The following ABCA8 variants were observed in gnomAD, a reference collection of about 807,000 sequenced individuals.
ABCA8 encodes ABC-type organic anion transporter ABCA8.
In ABCA8, 177 loss-of-function variants were observed where a neutral mutation model predicts 192.3. The ratio of observed to expected loss-of-function variants is 0.92; its 90% CI spans 0.81 to 1.04. ABCA8 has a LOEUF of 1.04. Among genes scored for constraint, ABCA8 ranks in the 50% least tolerant of loss-of-function variants. The pLI, the probability that ABCA8 is intolerant of heterozygous loss-of-function variation, is 0.00. For missense variants in ABCA8, 1,915 were observed against 1,904.8 expected (o/e 1.01, Z -0.10); for synonymous variants, 642 against 690.2 (o/e 0.93, Z 1.09).
chr17:68,928,388 AG>A (rs2067760750), intron 9 of ABCA8, among the ~76,000 whole-genome samples: 1 of 152,248 alleles, frequency 6.6e-6, no homozygotes, highest in Non-Finnish European at 1.5e-5. Flanking sequence ...CACAGTCAAA[AG>A]GTGTGGTGAT....
In ABCA8 at chr17:68,921,483, A is replaced by G; in HGVS notation, c.1511T>C (p.Phe504Ser). The G allele has an allele frequency of 6.2e-7, 1 of 1,601,934 alleles. No homozygotes were observed. Among genetic ancestry groups the G allele is most frequent in the South Asian group, 1.1e-5 (1 of 88,948 alleles). Residue 504 changes from phenylalanine to serine, a missense_variant, in exon 13 of 40, where the codon TTT becomes TCT. By Grantham distance (155) the Phe-to-Ser change is radical. Transcript: ENST00000586539. Reference protein sequence around the residue: ...DKIEALKDLVFDIYEGQITAI... With the variant: ...DKIEALKDLVSDIYEGQITAI... ...AGTGATTTGGCCTTCGTAAATGTCA[A>G]ATACCAGATCTAGGAAGAAAAAAAG... is the stretch of plus-strand genomic sequence containing the variant.
At chr17:68,954,003 G>A (rs535478148) in intron 1 of ABCA8, among the ~76,000 whole-genome samples, 3 of 151,660 alleles carry the variant, frequency 2.0e-5, no homozygotes, top group Non-Finnish European at 4.4e-5. Flanking sequence ...TGCCGCCAAT[G>A]CAAGCTCTGT....
intron 28 of ABCA8, among the ~76,000 whole-genome samples, 168 bp from the exon 29 acceptor site, chr17:68,884,050 C>G: frequency 6.6e-6 from 1 of 152,118 alleles, no homozygotes; most frequent in Non-Finnish European, 1.5e-5. Context: ...CATTTTCAAT[C>G]TTTTTTATAG....
At chr17:68,890,778 C>T (rs534255269) in intron 24 of ABCA8, among the ~76,000 whole-genome samples, 1 of 152,208 alleles carries the variant, frequency 6.6e-6, no homozygotes, top group African/African-American at 2.4e-5. Flanking sequence ...CTCGGTTTCC[C>T]AAAGTGCTGA....
At chr17:68,870,848 G>A (rs983906391) in intron 37 of ABCA8, among the ~76,000 whole-genome samples, 1 of 152,080 alleles carries the variant, frequency 6.6e-6, no homozygotes, top group African/African-American at 2.4e-5. Flanking sequence ...CAGTTCTTTT[G>A]GATACATACC....
intron 13 of ABCA8, among the ~76,000 whole-genome samples, chr17:68,920,417 T>C (rs910528317): frequency 9.6e-5 from 13 of 136,088 alleles, no homozygotes; most frequent in South Asian, 4.8e-4. Context: ...TTTTAAAAAA[T>C]AAAAAAATAA....
At chr17:68,876,758 G>C in intron 33 of ABCA8, 55 bp from the exon 34 acceptor site, 1 of 1,607,968 alleles carries the variant, frequency 6.2e-7, no homozygotes, top group Non-Finnish European at 8.5e-7. Context: ...ATAGATAAGA[G>C]GATAACCCAA....
At chr17:68,928,897 C>A (rs767269120) in intron 9 of ABCA8, 152 bp downstream of exon 9, 61 of 575,806 alleles carry the variant, frequency 1.1e-4, no homozygotes, top group Non-Finnish European at 1.5e-4. Flanking sequence ...AATTTCCAAG[C>A]TTTTAAAAGT....
intron 13 of ABCA8, among the ~76,000 whole-genome samples, chr17:68,920,733 C>A (rs1487519292): frequency 2.0e-5 from 3 of 152,096 alleles, no homozygotes; most frequent in African/African-American, 7.2e-5. Flanking sequence ...GAAATAGGAA[C>A]ACTTTTACAC....
intron 38 of ABCA8, among the ~76,000 whole-genome samples, chr17:68,868,774 C>A (rs1452789025): frequency 6.6e-6 from 1 of 152,114 alleles, no homozygotes; most frequent in Non-Finnish European, 1.5e-5. Context: ...ATCCAAAAAC[C>A]ATTGCAGCTT....
chr17:68,875,959 A>G (rs921719633), intron 35 of ABCA8, among the ~76,000 whole-genome samples: 2 of 152,210 alleles, frequency 1.3e-5, no homozygotes, highest in Non-Finnish European at 2.9e-5. Context: ...CACAACATTC[A>G]TTATAGGGTT....
At chr17:68,888,079 A>G (rs1420198622) in intron 24 of ABCA8, among the ~76,000 whole-genome samples, 2 of 147,814 alleles carry the variant, frequency 1.4e-5, no homozygotes, top group Non-Finnish European at 3.0e-5. Context: ...CTCCATATAT[A>G]TACACACACA....
At position 68,894,973 on chromosome 17, in the gene ABCA8, C is replaced by T. The variant is rs2066707594; in HGVS notation, c.2805G>A (p.Gln935=). 2 of 1,613,482 alleles carry T rather than the reference C, an allele frequency of 1.2e-6. No individual in the cohort carries two copies. The highest frequency in any genetic ancestry group is 1.3e-5 in the African/African-American group (1 of 74,864). Residue 935 remains glutamine (Q), a synonymous_variant, in exon 22 of 40, where the codon CAG becomes CAA. Coordinates refer to ENST00000586539, the MANE Select transcript of ABCA8 (RefSeq NM_001288985.2). The part of the protein sequence containing the change: ...IDDFIQSVEH[Q]NIALEVDAFG... ...ATGCATCCACTTCTAAAGCTATGTT[C>T]TGGTGCTCCACAGACTGTATAAAGT...
In ABCA8 at chr17:68,940,937, A is replaced by G. The variant is rs199888880; in HGVS notation, c.122T>C (p.Leu41Pro). ...ATGAGGATATATATACAAACAAAGT[A>G]GTAGGAGCAATGAATTCAGCCATTC... ...LMEWLNSLLL[L>P]LCLYIYPHSH... is the part of the protein sequence containing the mutation. The change falls in exon 4 of 40, where the codon CTA (leucine) becomes CCA (proline). Residue 41 changes from leucine to proline, a missense_variant. Transcript: ENST00000586539. 246 of 1,610,156 alleles carry G rather than the reference A, an allele frequency of 1.5e-4. 2 individuals are homozygous for G. Among genetic ancestry groups the G allele is most frequent in the Admixed American group, 3.0e-4 (18 of 59,904 alleles).
At position 68,922,191 on chromosome 17, in the gene ABCA8, TCTC is replaced by T. The variant is rs373624003; in HGVS notation, c.1501+48_1501+50del. 4.4e-3 allele frequency: 3,180 copies of T among 715,852 alleles called. 68 individuals are homozygous for T. Among genetic ancestry groups the T allele is most frequent in the East Asian group, 0.029 (498 of 16,890 alleles). 44.3% of individuals were successfully genotyped at this position (715,852 alleles called of 1,614,324 possible). On this transcript the variant is annotated intron_variant, in intron 12 of 39. Transcript: ENST00000586539. ...ATATAACAAATATTTTCTTTCTCTC[TCTC>T]TTTTTTTTTTTTTTTTTTTTTTTTT...
rs529955982 is a variant in ABCA8 at position 68,896,307 on chromosome 17, G to A, written c.2765-1294C>T. On this transcript the variant is annotated intron_variant, in intron 21 of 39. Transcript: ENST00000586539. ...GAGAGTTAAGAAGAGCCCTTCTGTG[G>A]AGAGGACACACCTCAATAACTGGCT... 2.4e-4 allele frequency among the ~76,000 whole-genome samples: 37 copies of A among 152,276 alleles called. 2 individuals carry two copies. In the South Asian group the frequency reaches 7.7e-3, roughly 32 times the overall value.
chr17:68,904,038 C>A (rs1296562518), intron 19 of ABCA8, among the ~76,000 whole-genome samples: 2 of 152,004 alleles, frequency 1.3e-5, no homozygotes, highest in Non-Finnish European at 2.9e-5. Flanking sequence ...AAAGCACACA[C>A]CCGTAAATGT....
Position 68,892,787 on chromosome 17 carries a change from A to G in ABCA8, c.3037-1191T>C, listed in dbSNP as rs186506532. ...CACATCCTTAATGAAAGGAAGTTTT[A>G]CTTCCTGAGTACAGTGAGATATGGT... On this transcript the variant is annotated intron_variant, in intron 23 of 39. Transcript: ENST00000586539. 1.4e-4 allele frequency among the ~76,000 whole-genome samples: 22 copies of G among 152,314 alleles called. No homozygotes were observed. The East Asian group carries it at 4.2e-3, about 29-fold the overall frequency.
At chr17:68,886,272 C>T (rs935479686) in intron 26 of ABCA8, among the ~76,000 whole-genome samples, 4 of 152,032 alleles carry the variant, frequency 2.6e-5, no homozygotes, top group East Asian at 1.9e-4. Flanking sequence ...ATTTAAGGGC[C>T]GCCATGATTT....
Sources: allele counts gnomAD v4.1 joint callset (sites outside exome capture counted in the v4.1 genomes callset), GRCh38; gene constraint gnomAD v4.1.1; transcripts MANE v1.5; gene names NCBI Gene and HGNC (gene_info 2026-07-23, HGNC 2026-07-21).